Variants in ITGA1 observed in about 807,000 individuals in gnomAD.
ITGA1 encodes integrin subunit alpha 1.
ITGA1 carries 85 observed loss-of-function variants against 145.9 expected under a neutral mutation model. The ratio of observed to expected loss-of-function variants is 0.58; its 90% CI spans 0.49 to 0.70. The LOEUF is 0.70. Among genes scored for constraint, ITGA1 ranks in the 30% least tolerant of loss-of-function variants. The pLI, the probability that ITGA1 is intolerant of heterozygous loss-of-function variation, is 0.00. For synonymous variants in ITGA1, 520 were observed against 495.3 expected, an observed-to-expected ratio of 1.05 and a Z score of -0.66; for missense variants, 1,351 against 1,418.7, an observed-to-expected ratio of 0.95 and a Z score of 0.77.
At chr5:52,928,257 A>G (rs1229030013) in intron 20 of ITGA1, among the ~76,000 whole-genome samples, 1 of 152,200 alleles carries the variant, frequency 6.6e-6, no homozygotes, top group Non-Finnish European at 1.5e-5. Context: ...AATTTATACT[A>G]CATAACATAT....
intron 7 of ITGA1, among the ~76,000 whole-genome samples, chr5:52,886,069 G>A (rs1750041697): frequency 6.6e-6 from 1 of 152,252 alleles, no homozygotes; most frequent in South Asian, 2.1e-4. Context: ...CCACTAAATT[G>A]ATTAAGCCAG....
At chr5:52,924,727 G>A (rs1011075251) in intron 18 of ITGA1, among the ~76,000 whole-genome samples, 1 of 152,140 alleles carries the variant, frequency 6.6e-6, no homozygotes. Context: ...GTGAGGTGGT[G>A]GTGGGACTGC....
intron 21 of ITGA1, 121 bp downstream of exon 21, chr5:52,929,822 A>C (rs987827378): frequency 1.9e-6 from 1 of 526,428 alleles, no homozygotes; most frequent in African/African-American, 2.0e-5. Context: ...GATCAGTAGA[A>C]GTGGAAGGCA....
At chr5:52,950,670 TA>T (rs991757282) in intron 28 of ITGA1, among the ~76,000 whole-genome samples, 12 of 152,332 alleles carry the variant, frequency 7.9e-5, no homozygotes, top group African/African-American at 2.9e-4. Context: ...CAACTTCTCT[TA>T]AAAACCCATG....
At chr5:52,807,458 A>ACAGTT (rs1357802284) in intron 1 of ITGA1, among the ~76,000 whole-genome samples, 1 of 152,246 alleles carries the variant, frequency 6.6e-6, no homozygotes, top group Non-Finnish European at 1.5e-5. Flanking sequence ...ATCCAAAATA[A>ACAGTT]CAGTTAGTGG....
At chr5:52,915,629 C>T (rs770203430) in intron 15 of ITGA1, 35 bp downstream of exon 15, 1 of 1,609,942 alleles carries the variant, frequency 6.2e-7, no homozygotes, top group Non-Finnish European at 8.5e-7. Flanking sequence ...TAATCTGAGA[C>T]TGGGTCACTT....
chr5:52,920,310 T>C (rs1750711925), intron 16 of ITGA1, 22 bp from the exon 17 acceptor site: 1 of 1,551,102 alleles, frequency 6.4e-7, no homozygotes, highest in African/African-American at 1.4e-5. Flanking sequence ...TTTCCATCAA[T>C]TATTTTTTAA....
intron 1 of ITGA1, among the ~76,000 whole-genome samples, chr5:52,841,024 G>T (rs189101441): frequency 6.6e-6 from 1 of 152,156 alleles, no homozygotes; most frequent in Non-Finnish European, 1.5e-5. Flanking sequence ...AAAACAATTC[G>T]CTTGCTATGG....
intron 1 of ITGA1, chr5:52,800,080 C>G (rs1459348840): frequency 2.9e-6 from 1 of 348,636 alleles, no homozygotes; most frequent in East Asian, 6.5e-5. Context: ...GGGACGGGGG[C>G]TGCGCATGCG....
At chr5:52,896,474 C>T (rs548830381) in intron 9 of ITGA1, among the ~76,000 whole-genome samples, 2 of 152,264 alleles carry the variant, frequency 1.3e-5, no homozygotes, top group Non-Finnish European at 2.9e-5. Flanking sequence ...ACTGCCGCGT[C>T]TAATCTAGTC....
chr5:52,938,676 C>T (rs776654471), intron 24 of ITGA1, among the ~76,000 whole-genome samples: 1 of 152,126 alleles, frequency 6.6e-6, no homozygotes, highest in Non-Finnish European at 1.5e-5. Context: ...AAAAGGTTTA[C>T]TAGGTTAAGT....
In ITGA1 at chr5:52,818,151, G is replaced by A. The variant is rs532539486; in HGVS notation, c.61+29737G>A. Among the ~76,000 whole-genome samples the A allele has an allele frequency of 3.9e-4, 60 of 152,226 alleles. 1 individual carries two copies. In the South Asian group the frequency reaches 9.5e-3, roughly 24 times the overall value. On this transcript the variant is annotated intron_variant, in intron 1 of 28. Coordinates refer to ENST00000282588, the MANE Select transcript of ITGA1 (RefSeq NM_181501.2). ...ATAACTATTCTAGAGGAAAAAGAAT[G>A]TATATGCTTAGATTAACTCAGCAAT... is the stretch of plus-strand genomic sequence containing the variant.
At chr5:52,939,450 C>T (rs1751020660) in intron 24 of ITGA1, 140 bp from the exon 25 acceptor site, 1 of 623,144 alleles carries the variant, frequency 1.6e-6, no homozygotes, top group African/African-American at 1.8e-5. Flanking sequence ...ACAACCTTTC[C>T]CATACAGCAC....
chr5:52,849,220 C>T (rs867686098), intron 1 of ITGA1, 145 bp from the exon 2 acceptor site: 3 of 597,236 alleles, frequency 5.0e-6, no homozygotes, highest in South Asian at 3.5e-5. Context: ...AGAGTGGAGA[C>T]CTTCCTTGAG....
At chr5:52,878,751 C>T (rs542287387) in intron 6 of ITGA1, among the ~76,000 whole-genome samples, 1 of 152,284 alleles carries the variant, frequency 6.6e-6, no homozygotes, top group South Asian at 2.1e-4. Context: ...CATGGTCATT[C>T]CTTTAAAAGG....
At position 52,893,671 on chromosome 5, in the gene ITGA1, T is replaced by C; in HGVS notation, c.925-4T>C. ...ATATTCTTGCTGTTTCTGTTGTGTC[T>C]TAGATTCTTGGCAGCTATAACCGAG... On this transcript the variant is annotated splice_region_variant and splice_polypyrimidine_tract_variant and intron_variant, in intron 8 of 28. Transcript: ENST00000282588. 1 of 1,609,518 alleles carries C rather than the reference T, an allele frequency of 6.2e-7. No individual in the cohort carries two copies. Among genetic ancestry groups the C allele is most frequent in the Non-Finnish European group, 8.5e-7 (1 of 1,177,688 alleles).
At chr5:52,913,264 A>G (rs1030141351) in intron 14 of ITGA1, among the ~76,000 whole-genome samples, 1 of 152,182 alleles carries the variant, frequency 6.6e-6, no homozygotes, top group African/African-American at 2.4e-5. Flanking sequence ...GACTTAACCA[A>G]TAAAGGAAAT....
In ITGA1 at chr5:52,927,574, C is replaced by A; in HGVS notation, c.2614-10C>A. 1 of 1,589,480 alleles carries A rather than the reference C, an allele frequency of 6.3e-7. No homozygotes were observed. The highest frequency in any genetic ancestry group is 8.6e-7 in the Non-Finnish European group (1 of 1,163,312). ...TGTCCACTCTGATTCTGTTTGCTTTCTCTTCCTAGGCTATCCAAAAAGACA... is the reference window on the plus strand; with the variant it reads ...TGTCCACTCTGATTCTGTTTGCTTTATCTTCCTAGGCTATCCAAAAAGACA... On this transcript the variant is annotated splice_polypyrimidine_tract_variant and intron_variant, in intron 19 of 28. Coordinates refer to ENST00000282588, the MANE Select transcript of ITGA1 (RefSeq NM_181501.2).
At chr5:52,790,046 G>A (rs1748208817) in intron 1 of ITGA1, among the ~76,000 whole-genome samples, 1 of 152,168 alleles carries the variant, frequency 6.6e-6, no homozygotes, top group Non-Finnish European at 1.5e-5. Context: ...TTTCCCATCA[G>A]TCATTATATT....
Sources: gnomAD v4.1 joint callset for allele counts (sites outside exome capture counted in the v4.1 genomes callset) on GRCh38, gnomAD v4.1.1 for gene constraint, MANE v1.5 for transcripts, NCBI Gene and HGNC (gene_info 2026-07-23, HGNC 2026-07-21) for gene names.